KRT71: variants seen among roughly 807,000 people sequenced by gnomAD.
KRT71 encodes the protein keratin 71.
In KRT71, 42 loss-of-function variants were observed where a neutral mutation model predicts 46.2. That is an observed-to-expected ratio of 0.91 (90% CI 0.71 to 1.18). The LOEUF is 1.18. Ranked by LOEUF, KRT71 falls within the 50% of genes most tolerant of loss-of-function variation. The pLI, the probability that KRT71 is intolerant of heterozygous loss-of-function variation, is 0.00. For synonymous variants in KRT71, 292 were observed against 277.8 expected, an observed-to-expected ratio of 1.05 and a Z score of -0.51; for missense variants, 708 against 677.9, an observed-to-expected ratio of 1.04 and a Z score of -0.49.
Position 52,548,331 on chromosome 12 carries a change from G to A in KRT71, c.814-15C>T. 6.3e-7 allele frequency: 1 copy of A among 1,596,896 alleles called. No individual in the cohort carries two copies. The highest frequency in any genetic ancestry group is 8.5e-7 in the Non-Finnish European group (1 of 1,170,244). On this transcript the variant is annotated splice_polypyrimidine_tract_variant and intron_variant, in intron 4 of 8. Coordinates refer to ENST00000267119, the MANE Select transcript of KRT71 (RefSeq NM_033448.3). Reference sequence around the variant, plus strand: ...TGAGTGATCTCCTGCAGGGGACACAGAAATGGTCTCTCGGCTCAACTGCTG... The same window carrying A: ...TGAGTGATCTCCTGCAGGGGACACAAAAATGGTCTCTCGGCTCAACTGCTG...
chr12:52,548,441 C>G, intron 4 of KRT71, 125 bp from the exon 5 acceptor site: 1 of 1,161,106 alleles, frequency 8.6e-7, no homozygotes, highest in Non-Finnish European at 1.2e-6. Context: ...CTGCTGCCAT[C>G]CAGGGCTGTG....
In KRT71 at chr12:52,544,385, TG is replaced by T; in HGVS notation, c.*146del. On this transcript the variant is annotated 3_prime_UTR_variant, in exon 9 of 9. Coordinates refer to ENST00000267119, the MANE Select transcript of KRT71 (RefSeq NM_033448.3). ...TTCCCAGGATCAGGAAGACACAGGC[TG>T]GGAGAAGTGGGTGGCCAAGGCCAGT... 1.3e-6 allele frequency: 1 copy of T among 761,814 alleles called. No individual in the cohort carries two copies. Among genetic ancestry groups the T allele is most frequent in the Non-Finnish European group, 2.3e-6 (1 of 435,532 alleles). The allele number at this position is 761,814 out of a possible 1,614,324, so 47.2% of individuals were successfully genotyped here.
intron 4 of KRT71, among the ~76,000 whole-genome samples, 190 bp downstream of exon 4, chr12:52,548,511 A>G (rs1041764543): frequency 3.3e-5 from 5 of 152,198 alleles, no homozygotes; most frequent in African/African-American, 1.2e-4. Context: ...GCCGTGGAGC[A>G]AGGGCCTGGC....
rs1207038193 is a variant in KRT71, at chr12:52,546,327, C to A, written c.1284G>T (p.Glu428Asp). 6.2e-7 allele frequency: 1 copy of A among 1,614,196 alleles called. No individual in the cohort carries two copies. Among genetic ancestry groups the A allele is most frequent in the Admixed American group, 1.7e-5 (1 of 60,028 alleles). Reference sequence around the variant, plus strand: ...CCAGTAGCTTGCGATAGGTGGCGATCTCCATGTCCAGGGCCAGCTTCAGGC... The same window carrying A: ...CCAGTAGCTTGCGATAGGTGGCGATATCCATGTCCAGGGCCAGCTTCAGGC... ...LMSLKLALDM[E>D]IATYRKLLES... Residue 428 changes from glutamate (E) to aspartate (D), a missense_variant, in exon 7 of 9, where the codon GAG (glutamate) becomes GAT (aspartate). By Grantham distance (45) the Glu-to-Asp change is conservative (BLOSUM62 2). Transcript: ENST00000267119.
At chr12:52,549,223 C>T (rs893785030) in intron 3 of KRT71, 70 bp downstream of exon 3, 3 of 1,191,512 alleles carry the variant, frequency 2.5e-6, no homozygotes, top group South Asian at 1.2e-5. Flanking sequence ...GCTAACAGAG[C>T]ACCTTGGCAG....
At chr12:52,546,840 G>A (rs1258488674) in intron 6 of KRT71, among the ~76,000 whole-genome samples, 1 of 152,232 alleles carries the variant, frequency 6.6e-6, no homozygotes, top group Non-Finnish European at 1.5e-5. Flanking sequence ...AGGTCTGGGA[G>A]GAGAGATGGT....
intron 4 of KRT71, 70 bp from the exon 5 acceptor site, chr12:52,548,386 A>T (rs1383520859): frequency 4.6e-6 from 7 of 1,519,642 alleles, no homozygotes; most frequent in Non-Finnish European, 5.4e-6. Context: ...CCCAAACAAG[A>T]TGAGCAAATT....
At position 52,544,305 on chromosome 12, in the gene KRT71, G is replaced by A; in HGVS notation, c.*227C>T. 1.7e-6 allele frequency: 1 copy of A among 602,324 alleles called. No individual in the cohort carries two copies. Among genetic ancestry groups the A allele is most frequent in the Non-Finnish European group, 3.0e-6 (1 of 335,822 alleles). The allele number at this position is 602,324 out of a possible 1,614,324, so 37.3% of individuals were successfully genotyped here. Reference sequence around the variant, plus strand: ...GGTGTAGCTGGGGGACCACAGCCAAGGAGTTAATAGGGTGTGTACAGGGAG... The same window carrying A: ...GGTGTAGCTGGGGGACCACAGCCAAAGAGTTAATAGGGTGTGTACAGGGAG... On this transcript the variant is annotated 3_prime_UTR_variant, in exon 9 of 9. Transcript: ENST00000267119.
At chr12:52,546,613 C>T in intron 6 of KRT71, 107 bp from the exon 7 acceptor site, 1 of 1,045,992 alleles carries the variant, frequency 9.6e-7, no homozygotes, top group Non-Finnish European at 1.4e-6. Context: ...CGCCTCCACC[C>T]TACACACACC....
chr12:52,550,007 C>A, intron 2 of KRT71, 22 bp downstream of exon 2: 11 of 1,613,594 alleles, frequency 6.8e-6, no homozygotes, highest in Non-Finnish European at 9.3e-6. Context: ...TGTCCAGTTA[C>A]AGGGGGACTC....
At chr12:52,547,132 G>C (rs1939070831) in intron 6 of KRT71, among the ~76,000 whole-genome samples, 1 of 152,166 alleles carries the variant, frequency 6.6e-6, no homozygotes, top group South Asian at 2.1e-4. Flanking sequence ...TAGGAGTCAG[G>C]AGACCTTGGT....
intron 4 of KRT71, 51 bp downstream of exon 4, chr12:52,548,650 G>C (rs766930663): frequency 2.6e-6 from 4 of 1,531,866 alleles, no homozygotes; most frequent in African/African-American, 2.7e-5. Flanking sequence ...CTAGAATAGA[G>C]TTTAACCCAC....
At position 52,547,930 on chromosome 12, in the gene KRT71, G is replaced by A; in HGVS notation, c.1031C>T (p.Thr344Ile). Residue 344 changes from threonine (T) to isoleucine (I), a missense_variant, in exon 6 of 9, where the codon ACC becomes ATC. Thr to Ile is a moderately conservative substitution (Grantham distance 89). Transcript: ENST00000267119. ...AGTGAGCTCCGAGATTTCATTCTTG[G>A]TGTTTTTGAGGTCGTCCCCATGCCT... Reference protein sequence around the residue: ...AGRHGDDLKNTKNEISELTRL... With the variant: ...AGRHGDDLKNIKNEISELTRL... The A allele has an allele frequency of 6.2e-7, 1 of 1,614,182 alleles. No individual in the cohort carries two copies. The highest frequency in any genetic ancestry group is 8.5e-7 in the Non-Finnish European group (1 of 1,180,042).
intron 2 of KRT71, among the ~76,000 whole-genome samples, chr12:52,549,797 A>C (rs117671864): frequency 0.025 from 3,837 of 152,284 alleles, 74 homozygotes; most frequent in Middle Eastern, 0.041. Flanking sequence ...CCAGAGCCAG[A>C]GATAACCCTC....
intron 1 of KRT71, 122 bp downstream of exon 1, chr12:52,552,515 C>G (rs1939189461): frequency 2.0e-6 from 2 of 1,020,850 alleles, no homozygotes; most frequent in African/African-American, 1.6e-5. Flanking sequence ...ATGTACCTAC[C>G]TTGTCCACAG....
At chr12:52,544,820 C>A (rs1027577672) in intron 8 of KRT71, 77 bp from the exon 9 acceptor site, 2 of 1,304,598 alleles carry the variant, frequency 1.5e-6, no homozygotes, top group East Asian at 5.0e-5. Flanking sequence ...GCAGACAGGG[C>A]TTTTCTTGGA....
chr12:52,546,259 C>T lies in KRT71; in HGVS notation c.1325+27G>A, dbSNP rs372620285. On this transcript the variant is annotated intron_variant, in intron 7 of 8. Transcript: ENST00000267119. ...TTGGGTCTTCCCAAACCCCTGGGGCCCTCCTGTCTGGGCACGCCCCGCCCA... is the reference window on the plus strand; with the variant it reads ...TTGGGTCTTCCCAAACCCCTGGGGCTCTCCTGTCTGGGCACGCCCCGCCCA... The T allele has an allele frequency of 1.2e-5, 19 of 1,612,642 alleles. No homozygotes were observed. The African/African-American group carries it at 1.7e-4, about 15-fold the overall frequency.
intron 6 of KRT71, among the ~76,000 whole-genome samples, 154 bp downstream of exon 6, chr12:52,547,703 G>A (rs979189427): frequency 6.6e-6 from 1 of 152,156 alleles, no homozygotes; most frequent in East Asian, 1.9e-4. Context: ...AGCCCCCAGG[G>A]ACGTCCTGCT....
intron 3 of KRT71, 73 bp from the exon 4 acceptor site, chr12:52,548,869 T>C (rs1417061671): frequency 3.1e-6 from 4 of 1,305,250 alleles, no homozygotes; most frequent in Non-Finnish European, 4.4e-6. Flanking sequence ...CTGCCTGGGT[T>C]CCCTGAGTGA....
Sources: gnomAD v4.1 joint callset for allele counts (sites outside exome capture counted in the v4.1 genomes callset) on GRCh38, gnomAD v4.1.1 for gene constraint, MANE v1.5 for transcripts, NCBI Gene and HGNC (gene_info 2026-07-23, HGNC 2026-07-21) for gene names.